Variants in GRIK2 observed in about 807,000 individuals in gnomAD.
The protein encoded by GRIK2 is glutamate ionotropic receptor kainate type subunit 2.
A neutral mutation model predicts 100.3 loss-of-function variants in GRIK2; 32 were observed. The observed-to-expected ratio is 0.32, with a 90% CI of 0.24 to 0.43. The LOEUF is 0.43. GRIK2 is among the 20% of genes least tolerant of loss of function. The pLI, the probability that GRIK2 is intolerant of heterozygous loss-of-function variation, is 1.00. For missense variants in GRIK2, 843 were observed against 1,114.9 expected (o/e 0.76, Z 3.47); for synonymous variants, 417 against 389.4 (o/e 1.07, Z -0.83).
intron 14 of GRIK2, among the ~76,000 whole-genome samples, chr6:102,030,116 T>A (rs1769907503): frequency 6.6e-6 from 1 of 151,214 alleles, no homozygotes; most frequent in Admixed American, 6.6e-5. Context: ...TGCTGCATGA[T>A]CTCACTTACA....
At chr6:101,893,111 C>T (rs1787212105) in intron 12 of GRIK2, among the ~76,000 whole-genome samples, 1 of 151,072 alleles carries the variant, frequency 6.6e-6, no homozygotes, top group Admixed American at 6.6e-5. Flanking sequence ...ATTTAAAATA[C>T]ATTTATTTTA....
intron 7 of GRIK2, among the ~76,000 whole-genome samples, chr6:101,705,957 C>A (rs1256666384): frequency 1.3e-5 from 2 of 151,826 alleles, no homozygotes; most frequent in Admixed American, 1.3e-4. Flanking sequence ...CTTCTTGTTG[C>A]TACTGTATTA....
chr6:102,044,412 C>T lies in GRIK2; in HGVS notation c.2311+8846C>T, dbSNP rs528466660. Among the ~76,000 whole-genome samples the T allele has an allele frequency of 1.7e-4, 26 of 152,010 alleles. No homozygotes were observed. The South Asian group carries it at 2.7e-3, about 16-fold the overall frequency. The stretch of plus-strand genomic sequence containing the variant: ...GCTGCTGATAAAGACATACCCAAGA[C>T]GGGATAAAAAGAGGTTTAATTGGAC... On this transcript the variant is annotated intron_variant, in intron 15 of 16. Transcript: ENST00000369134.
At chr6:101,432,432 A>G (rs909364989) in intron 2 of GRIK2, among the ~76,000 whole-genome samples, 13 of 152,176 alleles carry the variant, frequency 8.5e-5, no homozygotes, top group Non-Finnish European at 1.8e-4. Flanking sequence ...AGTTGCAAAC[A>G]TTGGAGTAAA....
intron 2 of GRIK2, among the ~76,000 whole-genome samples, chr6:101,452,737 T>C (rs186547461): frequency 1.6e-4 from 25 of 151,926 alleles, no homozygotes; most frequent in Admixed American, 1.5e-3. Context: ...TCAATGTGTT[T>C]ATTGCTTTCT....
At chr6:101,897,630 T>A (rs911039390) in intron 12 of GRIK2, among the ~76,000 whole-genome samples, 1 of 151,892 alleles carries the variant, frequency 6.6e-6, no homozygotes, top group East Asian at 1.9e-4. Context: ...TAATCCACAA[T>A]GTCTAGTAAA....
intron 14 of GRIK2, among the ~76,000 whole-genome samples, chr6:101,954,198 G>C (rs1050449083): frequency 6.6e-6 from 1 of 152,048 alleles, no homozygotes; most frequent in African/African-American, 2.4e-5. Flanking sequence ...TTTATTTCAA[G>C]ATTGTTTTGA....
intron 2 of GRIK2, among the ~76,000 whole-genome samples, chr6:101,585,009 G>C (rs1038144732): frequency 9.2e-5 from 14 of 151,980 alleles, no homozygotes; most frequent in African/African-American, 3.4e-4. Context: ...CCTAAGCTCT[G>C]AGTAAGTACC....
intron 2 of GRIK2, among the ~76,000 whole-genome samples, chr6:101,494,711 G>A (rs908091922): frequency 1.3e-5 from 2 of 150,428 alleles, no homozygotes; most frequent in Admixed American, 6.6e-5. Context: ...TGAGCAGATC[G>A]CCTGAGCTCG....
rs1474396025 is a variant in GRIK2 at position 101,491,007 on chromosome 6, A to G, written c.115+91615A>G. ...AGTAAGAAAAGTCTTCAGGGATTAG[A>G]AACGGTGAGAAAGTTGGCATTCAGA... On this transcript the variant is annotated intron_variant, in intron 2 of 16. Coordinates refer to ENST00000369134, the MANE Select transcript of GRIK2 (RefSeq NM_021956.5). 2.1e-5 allele frequency among the ~76,000 whole-genome samples: 3 copies of G among 146,080 alleles called. 1 individual carries two copies. Among genetic ancestry groups the G allele is most frequent in the African/African-American group, 7.9e-5 (3 of 38,194 alleles).
At chr6:101,414,175 A>G (rs1776005598) in intron 2 of GRIK2, among the ~76,000 whole-genome samples, 1 of 152,218 alleles carries the variant, frequency 6.6e-6, no homozygotes, top group Non-Finnish European at 1.5e-5. Context: ...TTCTTAGAAT[A>G]AAGTATTTCT....
At chr6:101,727,205 G>T (rs187542302) in intron 7 of GRIK2, among the ~76,000 whole-genome samples, 109 of 152,140 alleles carry the variant, frequency 7.2e-4, no homozygotes, top group Middle Eastern at 3.4e-3. Context: ...CCCAGGATAT[G>T]TTTATTGAAC....
rs9404154 is a variant in GRIK2, at chr6:101,859,107, A to T, written c.1318-180A>T. ...TTTTTTTGTAAAGCACTACTATTTC[A>T]TATAAAACCTGAATTTTCTTTTAAT... is the stretch of plus-strand genomic sequence containing the variant. On this transcript the variant is annotated intron_variant, in intron 10 of 16. Transcript: ENST00000369134. Among the ~76,000 whole-genome samples the T allele has an allele frequency of 0.029, 4,365 of 152,166 alleles. 501 individuals carry two copies. The East Asian group carries it at 0.41, about 14-fold the overall frequency.
At chr6:101,415,786 C>G (rs796502196) in intron 2 of GRIK2, among the ~76,000 whole-genome samples, 1 of 152,168 alleles carries the variant, frequency 6.6e-6, no homozygotes, top group Non-Finnish European at 1.5e-5. Context: ...GAATTTGAAA[C>G]TGGCTCTCCG....
At chr6:101,987,912 C>T (rs1343480134) in intron 14 of GRIK2, among the ~76,000 whole-genome samples, 1 of 151,478 alleles carries the variant, frequency 6.6e-6, no homozygotes, top group Non-Finnish European at 1.5e-5. Context: ...CTCCTCAATA[C>T]CCCTATTTAT....
intron 7 of GRIK2, among the ~76,000 whole-genome samples, chr6:101,786,175 T>C (rs528604214): frequency 1.3e-4 from 20 of 152,166 alleles, no homozygotes; most frequent in Non-Finnish European, 2.9e-4. Flanking sequence ...TCTACAACTT[T>C]ACTGAATTTG....
rs1296247887 is a variant in GRIK2, at chr6:101,636,824, T to A, written c.541+10187T>A. On this transcript the variant is annotated intron_variant, in intron 4 of 16. Transcript: ENST00000369134. ...AAACACTGCCATTTTTTAATTTACA[T>A]TTTTCTAAATTTAAGCATATTGGCA... Among the ~76,000 whole-genome samples, 5 of 152,104 alleles carry A rather than the reference T, an allele frequency of 3.3e-5. No homozygotes were observed. In the East Asian group the frequency reaches 9.6e-4, roughly 29 times the overall value.
At chr6:101,423,258 C>T (rs1021110815) in intron 2 of GRIK2, among the ~76,000 whole-genome samples, 1 of 152,128 alleles carries the variant, frequency 6.6e-6, no homozygotes, top group Non-Finnish European at 1.5e-5. Context: ...TCCAGACTAA[C>T]TTAGTTTTGA....
chr6:101,704,814 G>A (rs934037904), intron 7 of GRIK2, among the ~76,000 whole-genome samples: 4 of 150,880 alleles, frequency 2.7e-5, no homozygotes, highest in Non-Finnish European at 5.9e-5. Flanking sequence ...GATATCAAGT[G>A]TTTTATTATA....
Sources: gnomAD v4.1 joint callset for allele counts (sites outside exome capture counted in the v4.1 genomes callset) on GRCh38, gnomAD v4.1.1 for gene constraint, MANE v1.5 for transcripts, NCBI Gene and HGNC (gene_info 2026-07-23, HGNC 2026-07-21) for gene names.